Variants in ESRP2 observed in about 807,000 individuals in gnomAD.
ESRP2 encodes the protein epithelial splicing regulatory protein 2, also known as RNA binding motif protein 35A.
ESRP2 carries 48 observed loss-of-function variants against 78.6 expected under a neutral mutation model. The ratio of observed to expected loss-of-function variants is 0.61; its 90% CI spans 0.48 to 0.78. The LOEUF is 0.78. Ranked by LOEUF, ESRP2 falls within the 30% of genes least tolerant of loss-of-function variation. The probability of loss-of-function intolerance (pLI) is 0.00; values close to 1 mark genes in which losing one functional copy is unlikely to be tolerated. For synonymous variants in ESRP2, 383 were observed against 406.7 expected (o/e 0.94, Z 0.70); for missense variants, 863 against 965.9 (o/e 0.89, Z 1.41).
At position 68,231,919 on chromosome 16, in the gene ESRP2, A is replaced by G. The variant is rs1423629491; in HGVS notation, c.1182T>C (p.Asp394=). ...CCTCACAAGCAAAGAGGGCGAAGGC[A>G]TCACCAGTCGGCCGGCCATCAGGAT... ...VRHPDGRPTG[D]AFALFACEEL... The change falls in exon 10 of 15, where the codon GAT becomes GAC. Residue 394 remains aspartate (D), a synonymous_variant. Transcript: ENST00000473183. The surrounding 1 kb of genome is among the most constrained non-coding windows in gnomAD (Gnocchi z 6.0). 3 of 1,613,946 alleles carry G rather than the reference A, an allele frequency of 1.9e-6. No individual in the cohort carries two copies. The highest frequency in any genetic ancestry group is 2.2e-5 in the South Asian group (2 of 91,092).
rs1013233353 is a variant in ESRP2, at chr16:68,230,460, A to G, written c.1993T>C (p.Leu665=). The G allele has an allele frequency of 1.1e-5, 18 of 1,612,742 alleles. No homozygotes were observed. The highest frequency in any genetic ancestry group is 1.5e-5 in the Non-Finnish European group (18 of 1,179,282). ...TATGGGACACCCTGCATGCGGACCA[A>G]GGCTCCTGACTGGGACAACACTGAG... ...PTSVLSQSGA[L]VRMQGVPYTA... Residue 665 remains leucine, a synonymous_variant, in exon 14 of 15, where the codon TTG becomes CTG. Transcript: ENST00000473183.
rs1223086537 is a variant in ESRP2, at chr16:68,230,857, TGTAGTTCAG to T, written c.1873_1881del (p.Leu625_Tyr627del). On this transcript the variant is annotated inframe_deletion, in exon 13 of 15. Coordinates refer to ENST00000473183, the MANE Select transcript of ESRP2 (RefSeq NM_024939.3). ...GCAGGGTACCTTGGGTAGTAGGCTG[TGTAGTTCAG>T]GTAGAGTTGAGTGGCTGGCCCTGGA... 1.9e-6 allele frequency: 3 copies of T among 1,613,806 alleles called. No individual in the cohort carries two copies. In the African/African-American group the frequency reaches 4.0e-5, roughly 22 times the overall value.
At position 68,232,462 on chromosome 16, in the gene ESRP2, T is replaced by C; in HGVS notation, c.863A>G (p.Asn288Ser). The stretch of plus-strand genomic sequence containing the variant: ...CACAAAGCGGATGAGGGCCTCGCCA[T>C]TTCTGCGGCCCTGGGCGTTGAGGCA... ...ALCLNAQGRR[N>S]GEALIRFVDS... Residue 288 changes from asparagine (N) to serine (S), a missense_variant, in exon 8 of 15, where the codon AAT (asparagine) becomes AGT (serine). By Grantham distance (46) the Asn-to-Ser change is conservative (BLOSUM62 1). Coordinates refer to ENST00000473183, the MANE Select transcript of ESRP2 (RefSeq NM_024939.3). The surrounding 1 kb of genome is among the most constrained non-coding windows in gnomAD (Gnocchi z 5.2). The C allele has an allele frequency of 6.2e-7, 1 of 1,614,020 alleles. No homozygotes were observed. The highest frequency in any genetic ancestry group is 8.5e-7 in the Non-Finnish European group (1 of 1,179,988).
rs142168544 is a variant in ESRP2, at chr16:68,231,331, G to C, written c.1558C>G (p.Arg520Gly). 44 of 1,614,010 alleles carry C rather than the reference G, an allele frequency of 2.7e-5. No homozygotes were observed. The highest frequency in any genetic ancestry group is 3.6e-5 in the Non-Finnish European group (42 of 1,180,022). The change falls in exon 12 of 15, where the codon CGA becomes GGA. Residue 520 changes from arginine (R) to glycine (G), a missense_variant. Physicochemically the swap from Arg to Gly is moderately radical, Grantham distance 125. Transcript: ENST00000473183. This position sits in a 1 kb window ranked among gnomAD's most constrained non-coding sequence, Gnocchi z 6.0. Reference sequence around the variant, plus strand: ...CAACGCTGAGCAGCAGCTAGGGCTCGCTCTGCTGATGTCATCTGAATGAAG... The same window carrying C: ...CAACGCTGAGCAGCAGCTAGGGCTCCCTCTGCTGATGTCATCTGAATGAAG... ...DAFIQMTSAERALAAAQRCHK... is the reference protein window; with the variant it reads ...DAFIQMTSAEGALAAAQRCHK...
rs1348993923 is a variant in ESRP2, at chr16:68,235,190, C to G, written c.327+444G>C. On this transcript the variant is annotated intron_variant, in intron 2 of 14. Coordinates refer to ENST00000473183, the MANE Select transcript of ESRP2 (RefSeq NM_024939.3). The surrounding 1 kb of genome is among the most constrained non-coding windows in gnomAD (Gnocchi z 5.5). ...ACCTGGCGGCGTCTACCTCTAGGGCCGACACCGCCCTACGCCTCCGCTCCA... is the reference window on the plus strand; with the variant it reads ...ACCTGGCGGCGTCTACCTCTAGGGCGGACACCGCCCTACGCCTCCGCTCCA... 2.0e-6 allele frequency: 2 copies of G among 985,342 alleles called. No homozygotes were observed. The highest frequency in any genetic ancestry group is 4.7e-5 in the South Asian group (1 of 21,284). 61.0% of individuals were successfully genotyped at this position (985,342 alleles called of 1,614,324 possible).
Position 68,231,121 on chromosome 16 carries a change from C to T in ESRP2, c.1711+57G>A, listed in dbSNP as rs954057531. 1 of 1,608,862 alleles carries T rather than the reference C, an allele frequency of 6.2e-7. No individual in the cohort carries two copies. Among genetic ancestry groups the T allele is most frequent in the South Asian group, 1.1e-5 (1 of 90,944 alleles). On this transcript the variant is annotated intron_variant, in intron 12 of 14. Coordinates refer to ENST00000473183, the MANE Select transcript of ESRP2 (RefSeq NM_024939.3). This position sits in a 1 kb window ranked among gnomAD's most constrained non-coding sequence, Gnocchi z 6.0. ...GAGTCCCCGCTATAGAAGGTAGGGG[C>T]TTACAACAGCCTGGCTACCACAGGC... is the stretch of plus-strand genomic sequence containing the variant.
chr16:68,231,481 C>T lies in ESRP2; in HGVS notation c.1512+1G>A. The T allele has an allele frequency of 1.9e-6, 3 of 1,614,068 alleles. No individual in the cohort carries two copies. The highest frequency in any genetic ancestry group is 2.5e-6 in the Non-Finnish European group (3 of 1,179,978). On this transcript the variant is annotated splice_donor_variant, in intron 11 of 14. Coordinates refer to ENST00000473183, the MANE Select transcript of ESRP2 (RefSeq NM_024939.3). LOFTEE classifies it high-confidence loss of function. The surrounding 1 kb of genome is among the most constrained non-coding windows in gnomAD (Gnocchi z 6.0). Reference sequence around the variant, plus strand: ...TTCCCCCTACCAAGCAGTGGCTTCACCTGCTGGTTGAGCACCATGTGTACA... The same window carrying T: ...TTCCCCCTACCAAGCAGTGGCTTCATCTGCTGGTTGAGCACCATGTGTACA...
In ESRP2 at chr16:68,235,475, G is replaced by C; in HGVS notation, c.327+159C>G. On this transcript the variant is annotated intron_variant, in intron 2 of 14. Transcript: ENST00000473183. The surrounding 1 kb of genome is among the most constrained non-coding windows in gnomAD (Gnocchi z 5.5). The stretch of plus-strand genomic sequence containing the variant: ...ATGGCTGGCACGCGCGGATGAAAGG[G>C]GCACGCACACGCGAGAGTCGCTCAA... 3 of 985,438 alleles carry C rather than the reference G, an allele frequency of 3.0e-6. No individual in the cohort carries two copies. Among genetic ancestry groups the C allele is most frequent in the Non-Finnish European group, 3.6e-6 (3 of 829,930 alleles). The allele number at this position is 985,438 out of a possible 1,614,324, so 61.0% of individuals were successfully genotyped here.
chr16:68,234,337 A>C, intron 2 of ESRP2: 1 of 556,104 alleles, frequency 1.8e-6, no homozygotes, highest in Non-Finnish European at 3.2e-6. Context: ...AATGAGGGCA[A>C]TCACATATAA....
Position 68,230,890 on chromosome 16 carries a change from G to T in ESRP2, c.1849C>A (p.Pro617Thr), listed in dbSNP as rs36054935. 1.2e-6 allele frequency: 2 copies of T among 1,613,980 alleles called. No homozygotes were observed. Among genetic ancestry groups the T allele is most frequent in the Admixed American group, 3.3e-5 (2 of 60,004 alleles). Residue 617 changes from proline to threonine, a missense_variant, in exon 13 of 15, where the codon CCA (proline) becomes ACA (threonine). Physicochemically the swap from Pro to Thr is conservative, Grantham distance 38. Transcript: ENST00000473183. Reference sequence around the variant, plus strand: ...AGGTAGAGTTGAGTGGCTGGCCCTGGATAGTAGGCAACAGGGGTGGGGGCA... The same window carrying T: ...AGGTAGAGTTGAGTGGCTGGCCCTGTATAGTAGGCAACAGGGGTGGGGGCA... ...PAAPTPVAYY[P>T]GPATQLYLNY...
At position 68,232,245 on chromosome 16, in the gene ESRP2, C is replaced by T. The variant is rs2042151774; in HGVS notation, c.997+1G>A. 1 of 1,614,050 alleles carries T rather than the reference C, an allele frequency of 6.2e-7. No individual in the cohort carries two copies. Among genetic ancestry groups the T allele is most frequent in the African/African-American group, 1.3e-5 (1 of 74,914 alleles). On this transcript the variant is annotated splice_donor_variant, in intron 9 of 14. Coordinates refer to ENST00000473183, the MANE Select transcript of ESRP2 (RefSeq NM_024939.3). LOFTEE classifies it high-confidence loss of function. This position sits in a 1 kb window ranked among gnomAD's most constrained non-coding sequence, Gnocchi z 5.2. ...CCAGGCCCTGTTTGCAGTATACTCA[C>T]CCCCTGCAATCTTTACAAACTCCTC...
At position 68,232,545 on chromosome 16, in the gene ESRP2, C is replaced by T; in HGVS notation, c.821+32G>A. On this transcript the variant is annotated intron_variant, in intron 7 of 14. Transcript: ENST00000473183. This position sits in a 1 kb window ranked among gnomAD's most constrained non-coding sequence, Gnocchi z 5.2. ...GTTAGTGCCTCCTGGGTAGGCCTGT[C>T]CAATTGGGCCCACCCACCCTGCCAC... 5.6e-6 allele frequency: 9 copies of T among 1,614,106 alleles called. No individual in the cohort carries two copies. The highest frequency in any genetic ancestry group is 7.6e-6 in the Non-Finnish European group (9 of 1,180,000).
In ESRP2 at chr16:68,230,096, C is replaced by G. The variant is rs1454809929; in HGVS notation, c.*130G>C. 1.9e-5 allele frequency: 16 copies of G among 825,976 alleles called. No homozygotes were observed. The highest frequency in any genetic ancestry group is 3.0e-5 in the Non-Finnish European group (15 of 500,336). 51.2% of individuals were successfully genotyped at this position (825,976 alleles called of 1,614,324 possible). Reference sequence around the variant, plus strand: ...GAGGATGGAGCTGGGGCTTGGGCTCCTCTAGGTACCTTCTGAGAGCTTTGA... The same window carrying G: ...GAGGATGGAGCTGGGGCTTGGGCTCGTCTAGGTACCTTCTGAGAGCTTTGA... On this transcript the variant is annotated 3_prime_UTR_variant, in exon 15 of 15. Transcript: ENST00000473183.
chr16:68,230,618 C>A (rs2042116268), intron 13 of ESRP2, 64 bp from the exon 14 acceptor site: 3 of 1,503,006 alleles, frequency 2.0e-6, no homozygotes, highest in Non-Finnish European at 2.7e-6. Flanking sequence ...AGACCTGTTT[C>A]CCTCCTCCCT....
rs2042147194 is a variant in ESRP2, at chr16:68,231,967, G to A, written c.1134C>T (p.Thr378=). The change falls in exon 10 of 15, where the codon ACC becomes ACT. Residue 378 remains threonine, a synonymous_variant. Transcript: ENST00000473183. The surrounding 1 kb of genome is among the most constrained non-coding windows in gnomAD (Gnocchi z 6.0). ...GATGGCGCACAAAGAGCAGCCCCTC[G>A]GTACCCCCAGTCACTGGGCACTCTG... ...LGPECPVTGG[T]EGLLFVRHPD... 3.1e-6 allele frequency: 5 copies of A among 1,614,064 alleles called. No homozygotes were observed. The highest frequency in any genetic ancestry group is 2.2e-5 in the South Asian group (2 of 91,074).
At position 68,235,366 on chromosome 16, in the gene ESRP2, G is replaced by A. The variant is rs2042209716; in HGVS notation, c.327+268C>T. The stretch of plus-strand genomic sequence containing the variant: ...CGGCCTCGCTCCCCGGGCGGGAACT[G>A]GGGATGGATCCCAAAGCCTGCGTCC... On this transcript the variant is annotated intron_variant, in intron 2 of 14. Transcript: ENST00000473183. This position sits in a 1 kb window ranked among gnomAD's most constrained non-coding sequence, Gnocchi z 5.5. 2.0e-6 allele frequency: 2 copies of A among 985,396 alleles called. No homozygotes were observed. The highest frequency in any genetic ancestry group is 2.4e-6 in the Non-Finnish European group (2 of 829,906). The allele number at this position is 985,396 out of a possible 1,614,324, so 61.0% of individuals were successfully genotyped here.
Position 68,230,039 on chromosome 16 carries a change from A to C in ESRP2, c.*187T>G, listed in dbSNP as rs192004030. The C allele has an allele frequency of 1.7e-4, 105 of 621,858 alleles. 1 individual carries two copies. The highest frequency in any genetic ancestry group is 8.6e-6 in the Non-Finnish European group (3 of 349,816). The allele number at this position is 621,858 out of a possible 1,614,324, so 38.5% of individuals were successfully genotyped here. A position where few individuals can be genotyped will look rare whatever the true frequency, so the allele number is the denominator to read the frequency against. On this transcript the variant is annotated 3_prime_UTR_variant, in exon 15 of 15. Transcript: ENST00000473183. ...CCAGCCCTGCATGCAGGGTCCAGCC[A>C]TTGTCTTTGGGGGAAACAGGCAGAA...
chr16:68,232,706 G>A lies in ESRP2; in HGVS notation c.711-19C>T, dbSNP rs1201806793. 6.2e-7 allele frequency: 1 copy of A among 1,614,236 alleles called. No individual in the cohort carries two copies. Among genetic ancestry groups the A allele is most frequent in the South Asian group, 1.1e-5 (1 of 91,084 alleles). ...CTTGCTGCTGTAGGGGCAGGGCACA[G>A]TGCTGTCAGAGCTATTCAGCTGTTG... On this transcript the variant is annotated intron_variant, in intron 6 of 14. Coordinates refer to ENST00000473183, the MANE Select transcript of ESRP2 (RefSeq NM_024939.3). The surrounding 1 kb of genome is among the most constrained non-coding windows in gnomAD (Gnocchi z 5.2).
In ESRP2 at chr16:68,230,413, C is replaced by G; in HGVS notation, c.2040G>C (p.Leu680=). ...GVPYTAGMKD[L]LSVFQAYQLP... The stretch of plus-strand genomic sequence containing the variant: ...CCTGGTAGGCCTGGAAGACGCTGAG[C>G]AGATCCTTCATACCAGCCGTGTATG... Residue 680 remains leucine (L), a synonymous_variant, in exon 14 of 15, where the codon CTG becomes CTC. Transcript: ENST00000473183. 1.2e-6 allele frequency: 2 copies of G among 1,613,368 alleles called. No homozygotes were observed.
Sources: gnomAD v4.1 joint callset for allele counts on GRCh38, gnomAD v4.1.1 for gene constraint, Gnocchi (gnomAD v3.1) non-coding constraint, MANE v1.5 for transcripts, NCBI Gene and HGNC (gene_info 2026-07-23, HGNC 2026-07-21) for gene names.